The following MTNR1A variants were observed in gnomAD, a reference collection of about 807,000 sequenced individuals.
MTNR1A encodes melatonin receptor type 1A.
In MTNR1A, 7 loss-of-function variants were observed where a neutral mutation model predicts 5.5. The observed-to-expected ratio is 1.28, with a 90% CI of 0.73 to 2.40. MTNR1A has a LOEUF of 2.40. Ranked by LOEUF, MTNR1A falls within the 30% of genes most tolerant of loss-of-function variation. The pLI is 0.00. For missense variants in MTNR1A, 441 were observed against 464.4 expected (o/e 0.95, Z 0.46); for synonymous variants, 196 against 202.7 (o/e 0.97, Z 0.28).
chr4:186,543,371 A>G (rs1449684705), intron 1 of MTNR1A, among the ~76,000 whole-genome samples: 2 of 152,220 alleles, frequency 1.3e-5, no homozygotes, highest in Non-Finnish European at 2.9e-5. Flanking sequence ...CCAGTGTCCC[A>G]GAGTGTTAGG....
At chr4:186,542,056 G>C (rs1244590433) in intron 1 of MTNR1A, among the ~76,000 whole-genome samples, 1 of 152,178 alleles carries the variant, frequency 6.6e-6, no homozygotes, top group Non-Finnish European at 1.5e-5. Flanking sequence ...TGTCATGGCA[G>C]CAAGGATAGA....
In MTNR1A at chr4:186,548,810, G is replaced by GATATATATATATATAT. The variant is rs71595106; in HGVS notation, c.184+6356_184+6371dup. Among the ~76,000 whole-genome samples the GATATATATATATATAT allele has an allele frequency of 3.5e-4, 19 of 54,588 alleles. 1 individual carries two copies. The highest frequency in any genetic ancestry group is 6.8e-4 in the East Asian group (1 of 1,476). 35.8% of individuals were successfully genotyped at this position (54,588 alleles called of 152,430 possible). A position where few individuals can be genotyped will look rare whatever the true frequency, so the allele number is the denominator to read the frequency against. On this transcript the variant is annotated intron_variant, in intron 1 of 1. Transcript: ENST00000307161. Reference sequence around the variant, plus strand: ...AGATAAGGAATGCTTAATCTATAAAGATATATATATATATATATATATATA... The same window carrying GATATATATATATATAT: ...AGATAAGGAATGCTTAATCTATAAAGATATATATATATATATATATATATATATATATATATATATA...
At chr4:186,542,351 C>T (rs111733463) in intron 1 of MTNR1A, among the ~76,000 whole-genome samples, 2,336 of 152,294 alleles carry the variant, frequency 0.015, 49 homozygotes, top group African/African-American at 0.053. Flanking sequence ...CTAACACCCA[C>T]GGACGTACAG....
At position 186,534,395 on chromosome 4, in the gene MTNR1A, A is replaced by G. The variant is rs762715969; in HGVS notation, c.347T>C (p.Phe116Ser). 6.2e-7 allele frequency: 1 copy of G among 1,614,118 alleles called. No individual in the cohort carries two copies. The highest frequency in any genetic ancestry group is 2.2e-5 in the East Asian group (1 of 44,868). The change falls in exon 2 of 2, where the codon TTC becomes TCC. Residue 116 changes from phenylalanine to serine, a missense_variant. Phe to Ser is a radical substitution (Grantham distance 155). Transcript: ENST00000307161. The stretch of plus-strand genomic sequence containing the variant: ...GTTGATGGCGATGCCGGTGATGTTG[A>G]ATATGGAGCCGATGACGCTCAGGCC... ...LMGLSVIGSIFNITGIAINRY... is the reference protein window; with the variant it reads ...LMGLSVIGSISNITGIAINRY...
intron 1 of MTNR1A, among the ~76,000 whole-genome samples, chr4:186,547,473 C>T (rs1737179186): frequency 6.6e-6 from 1 of 152,340 alleles, no homozygotes; most frequent in Non-Finnish European, 1.5e-5. Context: ...CTGTACCCAT[C>T]ACACCCTGTT....
chr4:186,548,828 TATATATATATATATATATAC>T (rs201898058), intron 1 of MTNR1A, among the ~76,000 whole-genome samples: 4,165 of 101,156 alleles, frequency 0.041, 250 homozygotes, highest in African/African-American at 0.067. Flanking sequence ...TATATATATA[TATATATATATATATATATAC>T]ACTATATATG....
rs1045523351 is a variant in MTNR1A, at chr4:186,555,078, C to T, written c.184+104G>A. 6.1e-5 allele frequency: 76 copies of T among 1,246,452 alleles called. No homozygotes were observed. The highest frequency in any genetic ancestry group is 8.1e-5 in the Non-Finnish European group (71 of 874,132). The allele number at this position is 1,246,452 out of a possible 1,614,324, so 77.2% of individuals were successfully genotyped here. On this transcript the variant is annotated intron_variant, in intron 1 of 1. Transcript: ENST00000307161. The surrounding 1 kb of genome is among the most constrained non-coding windows in gnomAD (Gnocchi z 4.1). ...CTAACAGGAAAAATAACTCCAAGTC[C>T]GCAGTGTTTAGGAAAAAGAACCAAG...
intron 1 of MTNR1A, among the ~76,000 whole-genome samples, chr4:186,551,815 A>G (rs1267828207): frequency 6.6e-6 from 1 of 152,168 alleles, no homozygotes; most frequent in African/African-American, 2.4e-5. Flanking sequence ...TAAATATAAC[A>G]TTCTATAGAG....
chr4:186,536,586 C>T (rs578103819), intron 1 of MTNR1A, among the ~76,000 whole-genome samples: 1 of 152,220 alleles, frequency 6.6e-6, no homozygotes. Context: ...CTAGACCACA[C>T]CCAATAAATA....
intron 1 of MTNR1A, among the ~76,000 whole-genome samples, chr4:186,536,171 C>A (rs1475579069): frequency 1.3e-5 from 2 of 151,816 alleles, no homozygotes; most frequent in Admixed American, 6.6e-5. Flanking sequence ...CATGGTGACA[C>A]CCCGTCTCTA....
At chr4:186,537,715 G>C (rs1025998338) in intron 1 of MTNR1A, among the ~76,000 whole-genome samples, 1 of 152,236 alleles carries the variant, frequency 6.6e-6, no homozygotes, top group African/African-American at 2.4e-5. Flanking sequence ...ATGAACTGGT[G>C]AGTGTTGTTC....
Position 186,540,874 on chromosome 4 carries a change from ACTGAAGGACCAGGTGCTGTCTGT to A in MTNR1A, c.185-6340_185-6318del, listed in dbSNP as rs1189063347. Among the ~76,000 whole-genome samples, 685 of 133,294 alleles carry A rather than the reference ACTGAAGGACCAGGTGCTGTCTGT, an allele frequency of 5.1e-3. 15 individuals are homozygous for A. The highest frequency in any genetic ancestry group is 0.013 in the African/African-American group (481 of 35,750). 87.4% of individuals were successfully genotyped at this position (133,294 alleles called of 152,430 possible). On this transcript the variant is annotated intron_variant, in intron 1 of 1. Transcript: ENST00000307161. Reference sequence around the variant, plus strand: ...TGACTGAAGGACCAGGTGCTGTCTGACTGAAGGACCAGGTGCTGTCTGTCTGAAGGACCAGGTGCTGTCTGACC... The same window carrying A: ...TGACTGAAGGACCAGGTGCTGTCTGACTGAAGGACCAGGTGCTGTCTGACC...
chr4:186,555,367 G>A lies in MTNR1A; in HGVS notation c.-2C>T, dbSNP rs1274493401. The stretch of plus-strand genomic sequence containing the variant: ...CAGCGCGCTGCCGTTGCCCTGCATG[G>A]TCCCTGTGCGCGTCCCGGCCGCGGG... On this transcript the variant is annotated 5_prime_UTR_variant, in exon 1 of 2. Coordinates refer to ENST00000307161, the MANE Select transcript of MTNR1A (RefSeq NM_005958.4). This position sits in a 1 kb window ranked among gnomAD's most constrained non-coding sequence, Gnocchi z 4.1. 3 of 1,463,156 alleles carry A rather than the reference G, an allele frequency of 2.1e-6. No individual in the cohort carries two copies. The African/African-American group carries it at 4.4e-5, about 22-fold the overall frequency. The allele number at this position is 1,463,156 out of a possible 1,614,324, so 90.6% of individuals were successfully genotyped here.
At chr4:186,538,950 C>T (rs73873637) in intron 1 of MTNR1A, among the ~76,000 whole-genome samples, 4,778 of 152,138 alleles carry the variant, frequency 0.031, 251 homozygotes, top group African/African-American at 0.11. Context: ...CTGGGTGTGG[C>T]AGCTCACGCC....
At chr4:186,546,473 C>T (rs1392725425) in intron 1 of MTNR1A, among the ~76,000 whole-genome samples, 1 of 152,132 alleles carries the variant, frequency 6.6e-6, no homozygotes, top group Non-Finnish European at 1.5e-5. Flanking sequence ...GTGACTCCTT[C>T]TCCCAGCCTT....
chr4:186,549,746 C>T (rs187657340), intron 1 of MTNR1A, among the ~76,000 whole-genome samples: 96 of 152,238 alleles, frequency 6.3e-4, no homozygotes, highest in African/African-American at 2.1e-3. Context: ...AAGTCGGAGC[C>T]GCGTTTGACC....
intron 1 of MTNR1A, among the ~76,000 whole-genome samples, chr4:186,543,029 G>A (rs182430726): frequency 1.3e-5 from 2 of 152,204 alleles, no homozygotes; most frequent in African/African-American, 4.8e-5. Flanking sequence ...AGAGTTCAAG[G>A]CTGCAGGGAG....
At chr4:186,542,113 C>G in intron 1 of MTNR1A, among the ~76,000 whole-genome samples, 1 of 152,210 alleles carries the variant, frequency 6.6e-6, no homozygotes, top group Admixed American at 6.5e-5. Flanking sequence ...GAAAACTGAT[C>G]TGGATGCAGC....
intron 1 of MTNR1A, among the ~76,000 whole-genome samples, chr4:186,539,183 C>T (rs956452863): frequency 4.1e-5 from 6 of 144,908 alleles, no homozygotes; most frequent in African/African-American, 1.5e-4. Context: ...TGCCACTGCA[C>T]TCCAGCCTGG....
Sources: allele counts gnomAD v4.1 joint callset (sites outside exome capture counted in the v4.1 genomes callset), GRCh38; gene constraint gnomAD v4.1.1; non-coding constraint Gnocchi (gnomAD v3.1); transcripts MANE v1.5; gene names NCBI Gene and HGNC (gene_info 2026-07-23, HGNC 2026-07-21).